Variants in TBC1D8B observed in about 807,000 individuals in gnomAD.
The protein encoded by TBC1D8B is TBC1 domain family member 8B, also known as RP11-321G1.1.
Under a neutral mutation model 82.9 loss-of-function variants are expected in TBC1D8B, and 75 were observed. The ratio of observed to expected loss-of-function variants is 0.90; its 90% CI spans 0.75 to 1.10. TBC1D8B has a LOEUF of 1.10. TBC1D8B is among the 50% of genes least tolerant of loss of function. The pLI is 0.00. For missense variants in TBC1D8B, 794 were observed against 796.9 expected, an observed-to-expected ratio of 1.00 and a Z score of 0.04; for synonymous variants, 276 against 276.8, an observed-to-expected ratio of 1.00 and a Z score of 0.03.
Position 106,875,912 on chromosome X carries a change from T to C in TBC1D8B, c.*1947T>C, listed in dbSNP as rs1229296193. ...GAGATTTTTTGAGTTGCAAAAAGTT[T>C]ATAAATGCAAAGCAAAAAGAAAACA... is the stretch of plus-strand genomic sequence containing the variant. On this transcript the variant is annotated 3_prime_UTR_variant, in exon 21 of 21. Transcript: ENST00000357242. 1 of 112,480 alleles carries C rather than the reference T, an allele frequency of 8.9e-6. No individual in the cohort carries two copies. The highest frequency in any genetic ancestry group is 2.8e-4 in the East Asian group (1 of 3,584). 9.3% of individuals were successfully genotyped at this position (112,480 alleles called of 1,213,427 possible). A position where few individuals can be genotyped will look rare whatever the true frequency, so the allele number is the denominator to read the frequency against.
chrX:106,871,414 A>G (rs893140231), intron 20 of TBC1D8B, among the ~76,000 whole-genome samples: 104 of 112,160 alleles, frequency 9.3e-4, no homozygotes, highest in African/African-American at 3.3e-3. Flanking sequence ...AGTCAGTATG[A>G]CATATTTATT....
chrX:106,830,301 G>T (rs975324811), intron 7 of TBC1D8B, among the ~76,000 whole-genome samples: 1 of 111,671 alleles, frequency 9.0e-6, no homozygotes, highest in African/African-American at 3.3e-5. Flanking sequence ...AACAGCAGGT[G>T]CTGGAGGGGA....
At chrX:106,839,553 T>C (rs1248984670) in intron 8 of TBC1D8B, 96 bp downstream of exon 8, 3 of 917,780 alleles carry the variant, frequency 3.3e-6, no homozygotes, top group African/African-American at 4.0e-5. Context: ...CTGAAAACTC[T>C]TCTTTTGGGA....
In TBC1D8B at chrX:106,827,306, C is replaced by T; in HGVS notation, c.1172C>T (p.Ala391Val). Residue 391 changes from alanine to valine, a missense_variant, in exon 7 of 21, where the codon GCT (alanine) becomes GTT (valine). By Grantham distance (64) the Ala-to-Val change is moderately conservative (BLOSUM62 0). Transcript: ENST00000357242. ...VAKLRLRCGA[A>V]STQYHDISTE... The stretch of plus-strand genomic sequence containing the variant: ...AAACTCAGGCTCAGATGCGGAGCAG[C>T]TTCAACTCAATATCATGATATTAGC... 1 of 1,210,757 alleles carries T rather than the reference C, an allele frequency of 8.3e-7. No individual in the cohort carries two copies. Among genetic ancestry groups the T allele is most frequent in the Non-Finnish European group, 1.1e-6 (1 of 894,976 alleles).
At chrX:106,852,513 T>C (rs1297638862) in intron 12 of TBC1D8B, among the ~76,000 whole-genome samples, 4 of 111,955 alleles carry the variant, frequency 3.6e-5, no homozygotes, top group Admixed American at 1.9e-4. Flanking sequence ...TGAATGGTAT[T>C]GCCTAGGTTT....
Position 106,869,535 on chromosome X carries a change from G to C in TBC1D8B, c.2863G>C (p.Glu955Gln), listed in dbSNP as rs753813569. 1 of 1,200,536 alleles carries C rather than the reference G, an allele frequency of 8.3e-7. No homozygotes were observed. Among genetic ancestry groups the C allele is most frequent in the African/African-American group, 1.8e-5 (1 of 56,970 alleles). ...KEAESAKHSP[E>Q]KGKGKIDIQA... is the part of the protein sequence containing the mutation. ...AGCAGAATCAGCAAAACACAGCCCT[G>C]AAAAAGGTACTATGATCTAGGAGTT... Residue 955 changes from glutamate to glutamine, a missense_variant, in exon 19 of 21, where the codon GAA becomes CAA. Coordinates refer to ENST00000357242, the MANE Select transcript of TBC1D8B (RefSeq NM_017752.3).
chrX:106,873,332 G>A (rs1463045757), intron 20 of TBC1D8B, among the ~76,000 whole-genome samples: 1 of 111,274 alleles, frequency 9.0e-6, no homozygotes, highest in East Asian at 2.8e-4. Flanking sequence ...GACCCCAGAT[G>A]ATCCACCCGC....
At chrX:106,870,583 G>A (rs960753547) in intron 19 of TBC1D8B, 133 bp from the exon 20 acceptor site, 1 of 437,459 alleles carries the variant, frequency 2.3e-6, no homozygotes, top group East Asian at 4.4e-5. Flanking sequence ...GGTAATTTCA[G>A]ATCATTTCCT....
At chrX:106,827,037 A>G (rs1315932881) in intron 6 of TBC1D8B, 133 bp from the exon 7 acceptor site, 6 of 655,316 alleles carry the variant, frequency 9.2e-6, no homozygotes, top group Non-Finnish European at 2.3e-6. Context: ...ACTAGTACCC[A>G]AAGTCTATTT....
chrX:106,865,733 A>G, intron 15 of TBC1D8B, 60 bp from the exon 16 acceptor site: 1 of 1,109,894 alleles, frequency 9.0e-7, no homozygotes, highest in South Asian at 2.3e-5. Context: ...ATGGTTTTTA[A>G]AATCTTCCAA....
intron 14 of TBC1D8B, among the ~76,000 whole-genome samples, chrX:106,862,219 G>A (rs1303603652): frequency 9.0e-6 from 1 of 111,428 alleles, no homozygotes; most frequent in Non-Finnish European, 1.9e-5. Flanking sequence ...TGTGTGGCTT[G>A]GGGATGGTAA....
Position 106,868,511 on chromosome X carries a change from G to A in TBC1D8B, c.2812+35G>A, listed in dbSNP as rs773499962. 5 of 890,265 alleles carry A rather than the reference G, an allele frequency of 5.6e-6. No individual in the cohort carries two copies. The African/African-American group carries it at 1.0e-4, about 18-fold the overall frequency. The allele number at this position is 890,265 out of a possible 1,213,427, so 73.4% of individuals were successfully genotyped here. A position where few individuals can be genotyped will look rare whatever the true frequency, so the allele number is the denominator to read the frequency against. On this transcript the variant is annotated intron_variant, in intron 18 of 20. Transcript: ENST00000357242. ...TGTTTAAAATGTTAACTGTTTTGATGATTAGCCACCCATAAAGATCTTGCT... is the reference window on the plus strand; with the variant it reads ...TGTTTAAAATGTTAACTGTTTTGATAATTAGCCACCCATAAAGATCTTGCT...
chrX:106,854,484 T>C (rs1363268902), intron 14 of TBC1D8B, among the ~76,000 whole-genome samples, 188 bp downstream of exon 14: 1 of 111,532 alleles, frequency 9.0e-6, no homozygotes, highest in Non-Finnish European at 1.9e-5. Flanking sequence ...GGTTGAATTA[T>C]GTTGCTTTCT....
intron 12 of TBC1D8B, among the ~76,000 whole-genome samples, chrX:106,851,005 G>C (rs1291532086): frequency 9.0e-6 from 1 of 111,481 alleles, no homozygotes; most frequent in Admixed American, 9.5e-5. Context: ...AGTACTCTCT[G>C]AGCCTGTTTG....
rs1377523067 is a variant in TBC1D8B at position 106,827,262 on chromosome X, CTT to C, written c.1130_1131del (p.Phe377Ter). The stretch of plus-strand genomic sequence containing the variant: ...CTTTTCGCTTCCATGAAGTTAAAGA[CTT>C]TGAACAACTGGTAGCAAAACTCAGG... ...TAFRFHEVKDFEQLVAKLRLR... is the reference protein window; with the variant it reads ...TAFRFHEVKDXEQLVAKLRLR... On this transcript the variant is annotated frameshift_variant, in exon 7 of 21. Coordinates refer to ENST00000357242, the MANE Select transcript of TBC1D8B (RefSeq NM_017752.3). LOFTEE classifies it high-confidence loss of function. The C allele has an allele frequency of 8.3e-7, 1 of 1,211,092 alleles. No individual in the cohort carries two copies. The highest frequency in any genetic ancestry group is 2.2e-5 in the Admixed American group (1 of 45,930).
intron 7 of TBC1D8B, among the ~76,000 whole-genome samples, chrX:106,830,309 G>A (rs933837493): frequency 4.5e-5 from 5 of 111,555 alleles, no homozygotes; most frequent in Non-Finnish European, 1.9e-5. Flanking sequence ...GTGCTGGAGG[G>A]GATGTGGAGA....
intron 14 of TBC1D8B, 70 bp downstream of exon 14, chrX:106,854,366 T>A: frequency 1.5e-6 from 1 of 682,796 alleles, no homozygotes; most frequent in Non-Finnish European, 2.1e-6. Context: ...CTTTAGAAAT[T>A]ATCTTCTGGG....
chrX:106,802,923 G>C lies in TBC1D8B; in HGVS notation c.70G>C (p.Asp24His). 1 of 1,211,400 alleles carries C rather than the reference G, an allele frequency of 8.3e-7. No homozygotes were observed. Among genetic ancestry groups the C allele is most frequent in the South Asian group, 1.8e-5 (1 of 56,942 alleles). The change falls in exon 1 of 21, where the codon GAC becomes CAC. Residue 24 changes from aspartate to histidine, a missense_variant. By Grantham distance (81) the Asp-to-His change is moderately conservative. Coordinates refer to ENST00000357242, the MANE Select transcript of TBC1D8B (RefSeq NM_017752.3). ...GCTGTGGCTGATGGAAAGGTCCAAC[G>C]ACTACTTCGTGCTGCAGCGGCGTCG... is the stretch of plus-strand genomic sequence containing the variant. ...LKLWLMERSNDYFVLQRRRGY... is the reference protein window; with the variant it reads ...LKLWLMERSNHYFVLQRRRGY...
At chrX:106,809,865 C>T (rs1013285902) in intron 1 of TBC1D8B, among the ~76,000 whole-genome samples, 105 of 73,810 alleles carry the variant, frequency 1.4e-3, no homozygotes, top group African/African-American at 5.9e-3. Flanking sequence ...GCCTGGGTAA[C>T]AAGAGTGAGA....
Sources: gnomAD v4.1 joint callset for allele counts (sites outside exome capture counted in the v4.1 genomes callset) on GRCh38, gnomAD v4.1.1 for gene constraint, MANE v1.5 for transcripts, NCBI Gene and HGNC (gene_info 2026-07-23, HGNC 2026-07-21) for gene names.